Variants in SGCE observed in about 807,000 individuals in gnomAD.
The protein encoded by SGCE is sarcoglycan epsilon, also known as epsilon-sarcoglycan.
Under a neutral mutation model 57.8 loss-of-function variants are expected in SGCE, and 26 were observed. The observed-to-expected ratio is 0.45, with a 90% confidence interval of 0.33 to 0.62. The LOEUF is 0.62. Ranked by LOEUF, SGCE falls within the 20% of genes least tolerant of loss-of-function variation. The probability of loss-of-function intolerance (pLI) is 0.02; values close to 1 mark genes in which losing one functional copy is unlikely to be tolerated. For missense variants in SGCE, 468 were observed against 548.6 expected (o/e 0.85, Z 1.47); for synonymous variants, 183 against 189.5 (o/e 0.97, Z 0.28).
At chr7:94,644,482 AT>A (rs1806797270) in intron 1 of SGCE, 1 of 351,300 alleles carries the variant, frequency 2.8e-6, no homozygotes, top group South Asian at 2.3e-5. Flanking sequence ...ATAGTGACTG[AT>A]TGCTGATGAG....
At chr7:94,645,599 G>T (rs1584764816) in intron 1 of SGCE, among the ~76,000 whole-genome samples, 1 of 152,174 alleles carries the variant, frequency 6.6e-6, no homozygotes, top group Admixed American at 6.5e-5. Context: ...CTGTAGTACA[G>T]AAAGGTAGTG....
chr7:94,648,790 C>T (rs1252526199), intron 1 of SGCE, among the ~76,000 whole-genome samples: 1 of 152,184 alleles, frequency 6.6e-6, no homozygotes, highest in Non-Finnish European at 1.5e-5. Context: ...TATTTTTTCT[C>T]TTATTTTGCT....
rs569337069 is a variant in SGCE at position 94,628,161 on chromosome 7, C to G, written c.390+41G>C. On this transcript the variant is annotated intron_variant, in intron 3 of 10. Transcript: ENST00000648936. ...ATACACACACACACACACACACACA[C>G]ACATATATGTATAGTTTTGCTCTTT... 6.0e-6 allele frequency: 9 copies of G among 1,488,784 alleles called. No homozygotes were observed. The East Asian group carries it at 2.0e-4, about 34-fold the overall frequency. 92.2% of individuals were successfully genotyped at this position (1,488,784 alleles called of 1,614,324 possible).
chr7:94,650,526 T>C (rs1807733522), intron 1 of SGCE, among the ~76,000 whole-genome samples: 1 of 152,214 alleles, frequency 6.6e-6, no homozygotes, highest in African/African-American at 2.4e-5. Context: ...TGTGTTAAAT[T>C]ACCCTGTTGC....
chr7:94,652,163 G>A (rs1479993491), intron 1 of SGCE, among the ~76,000 whole-genome samples: 2 of 152,068 alleles, frequency 1.3e-5, no homozygotes, highest in Non-Finnish European at 2.9e-5. Flanking sequence ...TGAAGCTATG[G>A]ACTAAGCGAT....
intron 1 of SGCE, among the ~76,000 whole-genome samples, chr7:94,642,999 C>T (rs560335081): frequency 5.1e-4 from 77 of 152,338 alleles, no homozygotes; most frequent in African/African-American, 1.8e-3. Context: ...ATAGAACTCT[C>T]CATTTCTCCA....
chr7:94,633,166 T>C (rs1394841860), intron 1 of SGCE, among the ~76,000 whole-genome samples: 1 of 152,008 alleles, frequency 6.6e-6, no homozygotes, highest in African/African-American at 2.4e-5. Flanking sequence ...CCATTACCTC[T>C]GCAAACATAC....
chr7:94,605,417 TTAAAA>T (rs1226562319), intron 5 of SGCE, among the ~76,000 whole-genome samples: 4 of 152,178 alleles, frequency 2.6e-5, no homozygotes, highest in Middle Eastern at 3.4e-3. Context: ...GATAACTTGT[TTAAAA>T]TAATAGCAAC....
At chr7:94,587,148 C>T in intron 10 of SGCE, 1 of 984,242 alleles carries the variant, frequency 1.0e-6, no homozygotes, top group Non-Finnish European at 1.2e-6. Flanking sequence ...CCTAGGAAAA[C>T]TCTTTGGCTC....
Position 94,618,760 on chromosome 7 carries a change from C to T in SGCE, c.660G>A (p.Glu220=). Residue 220 remains glutamate (E), a splice_region_variant and synonymous_variant, in exon 5 of 11, where the codon GAG becomes GAA. Transcript: ENST00000648936. ...RVPLPINDLK[E]GVYVMVGADV... Reference sequence around the variant, plus strand: ...CAATGAGATAAAGATCTGCTTACCCCTCCTTCAGGTCATTAATGGGAAGTG... The same window carrying T: ...CAATGAGATAAAGATCTGCTTACCCTTCCTTCAGGTCATTAATGGGAAGTG... The T allele has an allele frequency of 1.2e-6, 2 of 1,612,976 alleles. No individual in the cohort carries two copies. Among genetic ancestry groups the T allele is most frequent in the South Asian group, 2.2e-5 (2 of 91,048 alleles).
chr7:94,617,713 A>G (rs927838891), intron 5 of SGCE: 3 of 152,244 alleles, frequency 2.0e-5, no homozygotes, highest in Admixed American at 2.0e-4. Context: ...ATCCATTGCT[A>G]TAAAACAGAA....
At chr7:94,647,117 A>G (rs1392371101) in intron 1 of SGCE, among the ~76,000 whole-genome samples, 1 of 152,230 alleles carries the variant, frequency 6.6e-6, no homozygotes, top group Non-Finnish European at 1.5e-5. Context: ...TTAAGGCTAC[A>G]TCATTTTCTG....
intron 5 of SGCE, chr7:94,616,840 C>A (rs1802005177): frequency 1.3e-5 from 2 of 151,974 alleles, no homozygotes; most frequent in Admixed American, 1.3e-4. Context: ...GCATTGCGTA[C>A]AATTTATAGA....
rs144044328 is a variant in SGCE, at chr7:94,591,057, G to A, written c.1254-2325C>T. ...ATAATTCATCCCGACGATTATATTC[G>A]TTTTTATTGTTACTTATCAGCCTTA... is the stretch of plus-strand genomic sequence containing the variant. On this transcript the variant is annotated intron_variant, in intron 9 of 10. Transcript: ENST00000648936. Among the ~76,000 whole-genome samples the A allele has an allele frequency of 3.1e-3, 478 of 152,142 alleles. 2 individuals are homozygous for A. Among genetic ancestry groups the A allele is most frequent in the Admixed American group, 6.3e-3 (96 of 15,270 alleles).
chr7:94,597,269 C>T (rs1478232017), intron 9 of SGCE: 1 of 152,172 alleles, frequency 6.6e-6, no homozygotes, highest in African/African-American at 2.4e-5. Flanking sequence ...CTCATACACA[C>T]ATGCACATAA....
chr7:94,633,600 A>G (rs1805068121), intron 1 of SGCE, among the ~76,000 whole-genome samples: 1 of 152,118 alleles, frequency 6.6e-6, no homozygotes, highest in African/African-American at 2.4e-5. Context: ...CCAGAATCAA[A>G]TAACAGACCA....
chr7:94,619,286 A>C (rs1318824683), intron 4 of SGCE: 1 of 195,826 alleles, frequency 5.1e-6, no homozygotes, highest in African/African-American at 2.4e-5. Flanking sequence ...TTTGGGGAGC[A>C]TGCTAAAATA....
chr7:94,651,939 T>G (rs574474064), intron 1 of SGCE, among the ~76,000 whole-genome samples: 1 of 147,416 alleles, frequency 6.8e-6, no homozygotes, highest in African/African-American at 2.5e-5. Context: ...TCTTTATTAT[T>G]TTTTTTTTTT....
intron 1 of SGCE, among the ~76,000 whole-genome samples, chr7:94,635,779 TCTCA>T (rs1433023713): frequency 2.0e-5 from 3 of 152,238 alleles, no homozygotes; most frequent in East Asian, 1.9e-4. Flanking sequence ...TTTTTGTTTT[TCTCA>T]CTAAGATTTA....
Sources: gnomAD v4.1 joint callset for allele counts (sites outside exome capture counted in the v4.1 genomes callset) on GRCh38, gnomAD v4.1.1 for gene constraint, MANE v1.5 for transcripts, NCBI Gene and HGNC (gene_info 2026-07-23, HGNC 2026-07-21) for gene names.